The following NRG3 variants were observed in gnomAD, a reference collection of about 807,000 sequenced individuals.
NRG3 encodes the protein neuregulin 3.
NRG3 carries 31 observed loss-of-function variants against 66.9 expected under a neutral mutation model. The ratio of observed to expected loss-of-function variants is 0.46; its 90% CI spans 0.35 to 0.63. The LOEUF is 0.63. Ranked by LOEUF, NRG3 falls within the 20% of genes least tolerant of loss-of-function variation. The probability of loss-of-function intolerance (pLI) is 0.00; values close to 1 mark genes in which losing one functional copy is unlikely to be tolerated. For synonymous variants in NRG3, 393 were observed against 359.4 expected (o/e 1.09, Z -1.06); for missense variants, 910 against 878.9 (o/e 1.04, Z -0.45).
intron 1 of NRG3, among the ~76,000 whole-genome samples, chr10:82,310,413 C>A (rs1029585437): frequency 6.6e-5 from 10 of 152,072 alleles, no homozygotes; most frequent in Non-Finnish European, 1.5e-4. Flanking sequence ...TGCAATTATG[C>A]CATTGGGATA....
intron 2 of NRG3, among the ~76,000 whole-genome samples, chr10:82,695,955 A>T (rs937316701): frequency 6.6e-6 from 1 of 152,126 alleles, no homozygotes; most frequent in African/African-American, 2.4e-5. Flanking sequence ...GTGGTCCAAG[A>T]TGAAAAAGGA....
intron 1 of NRG3, among the ~76,000 whole-genome samples, chr10:82,293,913 G>A (rs2079890308): frequency 7.8e-6 from 1 of 127,504 alleles, no homozygotes; most frequent in African/African-American, 4.0e-5. Flanking sequence ...TATTTAGCAA[G>A]CATATTTTTG....
chr10:82,054,330 G>A (rs68064145), intron 1 of NRG3, among the ~76,000 whole-genome samples: 36,591 of 152,002 alleles, frequency 0.24, 4,526 homozygotes, highest in Middle Eastern at 0.33. Flanking sequence ...GGTATATTTT[G>A]AAGGTGGAAG....
At chr10:81,897,812 G>C (rs1291607352) in intron 1 of NRG3, among the ~76,000 whole-genome samples, 1 of 152,202 alleles carries the variant, frequency 6.6e-6, no homozygotes, top group African/African-American at 2.4e-5. Flanking sequence ...CTGAAAACCA[G>C]TGATGGGATT....
intron 4 of NRG3, among the ~76,000 whole-genome samples, chr10:82,905,577 T>C (rs1272548035): frequency 2.6e-5 from 4 of 152,178 alleles, no homozygotes; most frequent in African/African-American, 9.6e-5. Flanking sequence ...AGTTCTTCGA[T>C]AGTGCAAAAA....
intron 1 of NRG3, among the ~76,000 whole-genome samples, chr10:82,104,932 T>C (rs2089052586): frequency 6.6e-6 from 1 of 152,168 alleles, no homozygotes; most frequent in Admixed American, 6.5e-5. Context: ...AACACTTAAC[T>C]TTATTTGAGC....
At chr10:82,032,808 T>C (rs926318497) in intron 1 of NRG3, among the ~76,000 whole-genome samples, 5 of 152,122 alleles carry the variant, frequency 3.3e-5, no homozygotes, top group African/African-American at 1.2e-4. Flanking sequence ...ATTAATGGGA[T>C]CATCTTTTAT....
intron 2 of NRG3, among the ~76,000 whole-genome samples, chr10:82,676,882 C>T (rs1386169944): frequency 4.0e-5 from 6 of 151,582 alleles, no homozygotes; most frequent in Non-Finnish European, 7.4e-5. Context: ...GGGGAGTTAA[C>T]GCATTTGTTG....
chr10:82,066,799 A>G (rs893926676), intron 1 of NRG3, among the ~76,000 whole-genome samples: 1 of 151,748 alleles, frequency 6.6e-6, no homozygotes, highest in African/African-American at 2.4e-5. Flanking sequence ...CTAGTTCACC[A>G]CCCATGGTAC....
At chr10:81,922,376 C>T (rs560340102) in intron 1 of NRG3, among the ~76,000 whole-genome samples, 4 of 152,086 alleles carry the variant, frequency 2.6e-5, no homozygotes, top group Admixed American at 2.0e-4. Context: ...TACATTGTAC[C>T]ACTTAAGTAA....
chr10:82,473,322 A>C (rs1228731221), intron 2 of NRG3, among the ~76,000 whole-genome samples: 1 of 152,232 alleles, frequency 6.6e-6, no homozygotes, highest in East Asian at 1.9e-4. Context: ...GTAAGGAAGA[A>C]ATAAATGGAT....
chr10:82,877,371 CTTTTTTTTTTTTT>C (rs59994503), intron 4 of NRG3, among the ~76,000 whole-genome samples: 2 of 79,000 alleles, frequency 2.5e-5, no homozygotes, highest in African/African-American at 1.1e-4. Context: ...ATAGGGCAGA[CTTTTTTTTTTTTT>C]TTTTTTTTTT....
intron 3 of NRG3, among the ~76,000 whole-genome samples, chr10:82,786,463 G>A (rs927773782): frequency 6.6e-6 from 1 of 152,108 alleles, no homozygotes; most frequent in Non-Finnish European, 1.5e-5. Flanking sequence ...TTTAAAATGG[G>A]AATGTATATC....
chr10:82,961,681 A>G (rs1850655248), intron 6 of NRG3, among the ~76,000 whole-genome samples: 1 of 152,182 alleles, frequency 6.6e-6, no homozygotes, highest in Non-Finnish European at 1.5e-5. Context: ...ACATCCTTCA[A>G]TGCACAATAA....
intron 2 of NRG3, among the ~76,000 whole-genome samples, chr10:82,617,991 G>C (rs925982434): frequency 1.3e-5 from 2 of 152,144 alleles, no homozygotes; most frequent in Non-Finnish European, 2.9e-5. Context: ...TGGCCTAGAA[G>C]TTCACCTGTG....
intron 2 of NRG3, among the ~76,000 whole-genome samples, chr10:82,553,063 C>T (rs2044425916): frequency 6.6e-6 from 1 of 151,176 alleles, no homozygotes. Flanking sequence ...ACACACACCC[C>T]TTTATGGGAA....
intron 2 of NRG3, among the ~76,000 whole-genome samples, chr10:82,418,414 C>T (rs1277044159): frequency 1.3e-5 from 2 of 151,926 alleles, no homozygotes; most frequent in East Asian, 3.9e-4. Flanking sequence ...GCAAATTAAC[C>T]AGTTTATGCA....
intron 1 of NRG3, among the ~76,000 whole-genome samples, chr10:82,120,432 A>G (rs2068011525): frequency 6.6e-6 from 1 of 152,154 alleles, no homozygotes; most frequent in South Asian, 2.1e-4. Flanking sequence ...GTTTCTTTAA[A>G]GAAGTTCAGA....
intron 4 of NRG3, among the ~76,000 whole-genome samples, chr10:82,946,814 A>G (rs1435792013): frequency 6.6e-6 from 1 of 152,170 alleles, no homozygotes; most frequent in Non-Finnish European, 1.5e-5. Context: ...TGCCTGCTAC[A>G]TGGAGAATGG....
Sources: gnomAD v4.1 joint callset for allele counts (sites outside exome capture counted in the v4.1 genomes callset) on GRCh38, gnomAD v4.1.1 for gene constraint, MANE v1.5 for transcripts, NCBI Gene and HGNC (gene_info 2026-07-23, HGNC 2026-07-21) for gene names.